Variants in LHPP observed in about 807,000 individuals in gnomAD.
LHPP encodes the protein phospholysine phosphohistidine inorganic pyrophosphate phosphatase, also known as hLHPP.
Under a neutral mutation model 30.3 loss-of-function variants are expected in LHPP, and 24 were observed. That is an observed-to-expected ratio of 0.79 (90% CI 0.57 to 1.11). The LOEUF (loss-of-function observed/expected upper bound fraction) is 1.11, where lower values mean the gene tolerates loss of function less well. Ranked by LOEUF, LHPP falls within the 50% of genes most tolerant of loss-of-function variation. The pLI, the probability that LHPP is intolerant of heterozygous loss-of-function variation, is 0.00. For synonymous variants in LHPP, 150 were observed against 157.1 expected (o/e 0.95, Z 0.34); for missense variants, 356 against 367.2 (o/e 0.97, Z 0.25).
chr10:124,467,010 A>G (rs571237946), intron 1 of LHPP, among the ~76,000 whole-genome samples: 1 of 151,778 alleles, frequency 6.6e-6, no homozygotes, highest in African/African-American at 2.4e-5. Flanking sequence ...TGTAGTCCCA[A>G]CTACTTGGGA....
chr10:124,583,854 C>T (rs1472060389), intron 6 of LHPP, among the ~76,000 whole-genome samples: 1 of 152,202 alleles, frequency 6.6e-6, no homozygotes, highest in African/African-American at 2.4e-5. Context: ...CAACCATACA[C>T]ACAAAGTTTT....
At chr10:124,530,253 C>T (rs1426461108) in intron 6 of LHPP, among the ~76,000 whole-genome samples, 1 of 152,166 alleles carries the variant, frequency 6.6e-6, no homozygotes, top group Non-Finnish European at 1.5e-5. Flanking sequence ...CCTGGTGGAC[C>T]TCTCAGGGTT....
In LHPP at chr10:124,592,932, C is replaced by T. The variant is rs1564844917; in HGVS notation, c.717-20332C>T. Among the ~76,000 whole-genome samples, 1 of 152,194 alleles carries T rather than the reference C, an allele frequency of 6.6e-6. No homozygotes were observed. Among genetic ancestry groups the T allele is most frequent in the South Asian group, 2.1e-4 (1 of 4,834 alleles). On this transcript the variant is annotated intron_variant, in intron 6 of 6. Transcript: ENST00000368842. The surrounding 1 kb of genome is among the most constrained non-coding windows in gnomAD (Gnocchi z 6.2). The stretch of plus-strand genomic sequence containing the variant: ...GGGCGCACCGCCCCAGGCAGGCTGG[C>T]GTCCCGGGGGCCAGAATGAATGGAC...
intron 6 of LHPP, among the ~76,000 whole-genome samples, chr10:124,581,551 A>G (rs549402076): frequency 1.3e-5 from 2 of 152,296 alleles, no homozygotes; most frequent in African/African-American, 2.4e-5. Flanking sequence ...TGATTTATCT[A>G]TGTCCTTACC....
chr10:124,468,745 C>T (rs911411284), intron 1 of LHPP, among the ~76,000 whole-genome samples: 1 of 152,214 alleles, frequency 6.6e-6, no homozygotes, highest in Admixed American at 6.5e-5. Context: ...CCCCTTCAGC[C>T]TTTCTGTTGG....
chr10:124,599,966 C>G (rs1279412021), intron 6 of LHPP, among the ~76,000 whole-genome samples: 2 of 152,182 alleles, frequency 1.3e-5, no homozygotes, highest in Non-Finnish European at 2.9e-5. Context: ...TCCTGAAGAC[C>G]ACAGGGCAGG....
intron 6 of LHPP, among the ~76,000 whole-genome samples, chr10:124,543,457 G>C (rs1955254127): frequency 6.6e-6 from 1 of 152,266 alleles, no homozygotes; most frequent in African/African-American, 2.4e-5. Flanking sequence ...AGGTGCCCTG[G>C]GAAGGCGGAG....
At chr10:124,587,810 G>C (rs1415011966) in intron 6 of LHPP, among the ~76,000 whole-genome samples, 2 of 148,474 alleles carry the variant, frequency 1.3e-5, no homozygotes, top group Admixed American at 1.3e-4. Flanking sequence ...GCTAAGAAAT[G>C]CTTGCTGGGC....
At chr10:124,604,864 TGA>T (rs1949071726) in intron 6 of LHPP, among the ~76,000 whole-genome samples, 1 of 152,184 alleles carries the variant, frequency 6.6e-6, no homozygotes, top group African/African-American at 2.4e-5. Flanking sequence ...CCTCCAGTTG[TGA>T]GAGTCTCTGC....
At position 124,510,699 on chromosome 10, in the gene LHPP, G is replaced by A. The variant is rs1162409454; in HGVS notation, c.625-6481G>A. Among the ~76,000 whole-genome samples the A allele has an allele frequency of 1.3e-5, 2 of 152,246 alleles. No individual in the cohort carries two copies. The highest frequency in any genetic ancestry group is 4.8e-5 in the African/African-American group (2 of 41,458). On this transcript the variant is annotated intron_variant, in intron 5 of 6. Coordinates refer to ENST00000368842, the MANE Select transcript of LHPP (RefSeq NM_022126.4). The surrounding 1 kb of genome is among the most constrained non-coding windows in gnomAD (Gnocchi z 4.0). ...GAAGCATGGAGGTGTAGGATGACATGTAATATTTGGAAGACCCATTGCATT... is the reference window on the plus strand; with the variant it reads ...GAAGCATGGAGGTGTAGGATGACATATAATATTTGGAAGACCCATTGCATT...
At chr10:124,507,378 G>T (rs1589809758) in intron 5 of LHPP, among the ~76,000 whole-genome samples, 1 of 36,478 alleles carries the variant, frequency 2.7e-5, no homozygotes, top group Non-Finnish European at 4.9e-5. Flanking sequence ...GATTTCAGGT[G>T]GGGGGATAGG....
At chr10:124,588,018 C>T (rs12572285) in intron 6 of LHPP, among the ~76,000 whole-genome samples, 10,582 of 152,302 alleles carry the variant, frequency 0.069, 482 homozygotes, top group South Asian at 0.23. Flanking sequence ...CTCCACTGGC[C>T]ACCAGCTTTG....
At chr10:124,535,799 C>T (rs916421759) in intron 6 of LHPP, among the ~76,000 whole-genome samples, 2 of 152,244 alleles carry the variant, frequency 1.3e-5, no homozygotes, top group African/African-American at 4.8e-5. Context: ...GGAGGAGACA[C>T]TCAGGCCTGT....
chr10:124,544,281 G>A (rs1955277989), intron 6 of LHPP, among the ~76,000 whole-genome samples: 2 of 152,242 alleles, frequency 1.3e-5, no homozygotes, highest in South Asian at 2.1e-4. Flanking sequence ...GAATGGAGCG[G>A]AAGACCTCCC....
At chr10:124,582,834 G>T in intron 6 of LHPP, among the ~76,000 whole-genome samples, 1 of 145,098 alleles carries the variant, frequency 6.9e-6, no homozygotes, top group Admixed American at 6.8e-5. Flanking sequence ...GTGAAACCTT[G>T]TCTCTATTCA....
intron 1 of LHPP, among the ~76,000 whole-genome samples, chr10:124,467,316 T>C (rs1440705385): frequency 1.3e-5 from 2 of 149,576 alleles, no homozygotes; most frequent in Non-Finnish European, 3.0e-5. Flanking sequence ...ATACGGGGTA[T>C]TGTGGGGGTC....
intron 5 of LHPP, 71 bp downstream of exon 5, chr10:124,498,199 A>T: frequency 7.3e-7 from 1 of 1,374,410 alleles, no homozygotes; most frequent in Non-Finnish European, 1.0e-6. Context: ...CTTGGAATGG[A>T]TTACAGGACT....
rs1589814400 is a variant in LHPP, at chr10:124,510,311, C to T, written c.625-6869C>T. On this transcript the variant is annotated intron_variant, in intron 5 of 6. Transcript: ENST00000368842. This position sits in a 1 kb window ranked among gnomAD's most constrained non-coding sequence, Gnocchi z 4.0. ...CACCGATAGTAAATCTGGGAATCCC[C>T]TGGGGTCCTGAGCGCACTTTGGTAT... Among the ~76,000 whole-genome samples the T allele has an allele frequency of 6.6e-6, 1 of 152,244 alleles. No homozygotes were observed. The highest frequency in any genetic ancestry group is 1.9e-4 in the East Asian group (1 of 5,198).
At chr10:124,594,579 C>T (rs1461576437) in intron 6 of LHPP, among the ~76,000 whole-genome samples, 3 of 151,864 alleles carry the variant, frequency 2.0e-5, no homozygotes, top group Admixed American at 6.6e-5. Flanking sequence ...CCTTTTCTAT[C>T]GTAAATATCT....
Sources: allele counts gnomAD v4.1 joint callset (sites outside exome capture counted in the v4.1 genomes callset), GRCh38; gene constraint gnomAD v4.1.1; non-coding constraint Gnocchi (gnomAD v3.1); transcripts MANE v1.5; gene names NCBI Gene and HGNC (gene_info 2026-07-23, HGNC 2026-07-21).